The following MAGI1 variants were observed in gnomAD, a reference collection of about 807,000 sequenced individuals.
MAGI1 encodes the protein membrane-associated guanylate kinase, WW and PDZ domain-containing protein 1.
MAGI1 carries 58 observed loss-of-function variants against 139.9 expected under a neutral mutation model. That is an observed-to-expected ratio of 0.41 (90% confidence interval 0.34 to 0.52). MAGI1 has a LOEUF of 0.52. Among genes scored for constraint, MAGI1 ranks in the 20% least tolerant of loss-of-function variants. The probability of loss-of-function intolerance (pLI) is 0.12; values close to 1 mark genes in which losing one functional copy is unlikely to be tolerated. For missense variants in MAGI1, 1,874 were observed against 1,901.6 expected, an observed-to-expected ratio of 0.99 and a Z score of 0.27; for synonymous variants, 812 against 737.9, an observed-to-expected ratio of 1.10 and a Z score of -1.63.
In MAGI1 at chr3:66,018,858, C is replaced by G. The variant is rs992088125; in HGVS notation, c.313+19138G>C. Among the ~76,000 whole-genome samples, 17 of 152,336 alleles carry G rather than the reference C, an allele frequency of 1.1e-4. No individual in the cohort carries two copies. In the East Asian group the frequency reaches 3.1e-3, roughly 28 times the overall value. ...ATGAGAACTGGCTGTCTGATCACCT[C>G]TCGCTCTTCCCTTTGGGAAGCCACA... On this transcript the variant is annotated intron_variant, in intron 1 of 22. Coordinates refer to ENST00000402939, the MANE Select transcript of MAGI1 (RefSeq NM_001033057.2).
Position 65,420,164 on chromosome 3 carries a change from G to A in MAGI1, c.2167+9356C>T, listed in dbSNP as rs754075083. On this transcript the variant is annotated intron_variant, in intron 12 of 22. Transcript: ENST00000402939. ...GTTACTGAGAGCCTGTCCCTTCACC[G>A]TGTGAATCTGGACCTCACACTGCAA... Among the ~76,000 whole-genome samples, 10 of 152,084 alleles carry A rather than the reference G, an allele frequency of 6.6e-5. No individual in the cohort carries two copies. In the South Asian group the frequency reaches 1.2e-3, roughly 19 times the overall value.
chr3:65,596,472 TG>T (rs774741749), intron 2 of MAGI1, among the ~76,000 whole-genome samples: 32 of 152,172 alleles, frequency 2.1e-4, no homozygotes, highest in Non-Finnish European at 5.9e-5. Flanking sequence ...GTTGACAGGG[TG>T]TTGAGCATGG....
intron 1 of MAGI1, among the ~76,000 whole-genome samples, chr3:65,710,629 A>T (rs114268610): frequency 0.019 from 2,939 of 152,174 alleles, 87 homozygotes; most frequent in African/African-American, 0.066. Context: ...AGTTAACACT[A>T]TTATCTCTTG....
intron 1 of MAGI1, among the ~76,000 whole-genome samples, chr3:65,961,677 C>T (rs528139659): frequency 2.6e-4 from 39 of 152,244 alleles, no homozygotes; most frequent in African/African-American, 7.5e-4. Flanking sequence ...TAAGGCATTC[C>T]GCAGAAAACA....
chr3:65,950,022 C>T (rs1269161692), intron 1 of MAGI1, among the ~76,000 whole-genome samples: 1 of 123,292 alleles, frequency 8.1e-6, no homozygotes, highest in East Asian at 2.8e-4. Flanking sequence ...GCACTCCAGC[C>T]TGGGCAACAG....
chr3:65,870,117 T>C (rs1021736677), intron 1 of MAGI1, among the ~76,000 whole-genome samples: 5 of 152,328 alleles, frequency 3.3e-5, no homozygotes, highest in Non-Finnish European at 7.4e-5. Flanking sequence ...GAGCATTTAT[T>C]TCTATCATAG....
chr3:65,439,595 G>A (rs910103214), intron 9 of MAGI1, among the ~76,000 whole-genome samples: 4 of 152,224 alleles, frequency 2.6e-5, no homozygotes, highest in African/African-American at 7.2e-5. Flanking sequence ...CAAATACTGC[G>A]GGGGCAAGAA....
chr3:65,882,353 A>C (rs2060360705), intron 1 of MAGI1, among the ~76,000 whole-genome samples: 1 of 152,130 alleles, frequency 6.6e-6, no homozygotes, highest in African/African-American at 2.4e-5. Flanking sequence ...AATCAAAATA[A>C]CTCTAAAGAC....
chr3:65,916,438 C>T (rs563758354), intron 1 of MAGI1, among the ~76,000 whole-genome samples: 71 of 152,246 alleles, frequency 4.7e-4, no homozygotes, highest in African/African-American at 1.7e-3. Flanking sequence ...GGAGGCCTCA[C>T]AATCATGGCA....
intron 14 of MAGI1, 29 bp from the exon 15 acceptor site, chr3:65,383,652 A>G: frequency 1.5e-6 from 2 of 1,350,952 alleles, no homozygotes; most frequent in Non-Finnish European, 2.1e-6. Context: ...AAAGAGAAGG[A>G]TTATTTTACT....
intron 10 of MAGI1, 141 bp downstream of exon 10, chr3:65,437,014 T>C (rs1420040269): frequency 2.0e-6 from 1 of 493,242 alleles, no homozygotes; most frequent in Non-Finnish European, 3.6e-6. Context: ...AACAATACAT[T>C]TATCATTGTT....
At chr3:66,015,754 G>C (rs1426820597) in intron 1 of MAGI1, among the ~76,000 whole-genome samples, 1 of 152,084 alleles carries the variant, frequency 6.6e-6, no homozygotes, top group Admixed American at 6.5e-5. Context: ...AAGAAAAATT[G>C]ACCAAACCAG....
chr3:65,856,054 C>T (rs1289519781), intron 1 of MAGI1, among the ~76,000 whole-genome samples: 1 of 152,074 alleles, frequency 6.6e-6, no homozygotes, highest in Admixed American at 6.6e-5. Flanking sequence ...TATATGATTG[C>T]TACATGTGTC....
intron 1 of MAGI1, among the ~76,000 whole-genome samples, chr3:65,802,628 A>G (rs1032655612): frequency 2.6e-5 from 4 of 152,232 alleles, no homozygotes; most frequent in Non-Finnish European, 5.9e-5. Flanking sequence ...AGCAACACTC[A>G]GGCAAGTACC....
chr3:65,700,792 A>G (rs1287477411), intron 1 of MAGI1, among the ~76,000 whole-genome samples: 2 of 152,228 alleles, frequency 1.3e-5, no homozygotes, highest in Non-Finnish European at 2.9e-5. Flanking sequence ...AAATTTCACC[A>G]AACATCTTTA....
intron 1 of MAGI1, among the ~76,000 whole-genome samples, chr3:65,940,369 GAAGTCT>G (rs1189412121): frequency 6.6e-6 from 1 of 152,206 alleles, no homozygotes; most frequent in Non-Finnish European, 1.5e-5. Flanking sequence ...TCTGGAGGCT[GAAGTCT>G]AAGATCAGGG....
At chr3:65,508,442 C>G (rs1051491181) in intron 2 of MAGI1, among the ~76,000 whole-genome samples, 1 of 151,830 alleles carries the variant, frequency 6.6e-6, no homozygotes, top group African/African-American at 2.4e-5. Flanking sequence ...AATCAAGTAG[C>G]TTTTATTATT....
At chr3:65,707,108 T>C (rs1199946798) in intron 1 of MAGI1, among the ~76,000 whole-genome samples, 23 of 152,218 alleles carry the variant, frequency 1.5e-4, no homozygotes, top group Non-Finnish European at 3.4e-4. Flanking sequence ...CCGTAGTTAC[T>C]GTAGATGTTG....
intron 2 of MAGI1, among the ~76,000 whole-genome samples, chr3:65,504,574 A>G (rs966779212): frequency 2.0e-5 from 3 of 152,142 alleles, no homozygotes; most frequent in African/African-American, 4.8e-5. Context: ...AGGATAAACT[A>G]GTGGAGGAGC....
Sources: gnomAD v4.1 joint callset for allele counts (sites outside exome capture counted in the v4.1 genomes callset) on GRCh38, gnomAD v4.1.1 for gene constraint, MANE v1.5 for transcripts, NCBI Gene and HGNC (gene_info 2026-07-23, HGNC 2026-07-21) for gene names.